Variants in NFU1 observed in about 807,000 individuals in gnomAD.
NFU1 encodes the protein NFU1 iron-sulfur cluster scaffold homolog, mitochondrial.
In NFU1, 30 loss-of-function variants were observed where a neutral mutation model predicts 32.2. That is an observed-to-expected ratio of 0.93 (90% CI 0.70 to 1.26). The LOEUF (loss-of-function observed/expected upper bound fraction) is 1.26. Among genes scored for constraint, NFU1 ranks in the 50% most tolerant of loss-of-function variants. NFU1 has a pLI of 0.00. For synonymous variants in NFU1, 112 were observed against 104.6 expected (o/e 1.07, Z -0.43); for missense variants, 306 against 306.6 (o/e 1.00, Z 0.02).
At chr2:69,415,071 A>T in intron 5 of NFU1, 114 bp downstream of exon 5, 1 of 688,822 alleles carries the variant, frequency 1.5e-6, no homozygotes, top group Non-Finnish European at 2.6e-6. Flanking sequence ...AGAGCTAAAT[A>T]TATTAAATGA....
At chr2:69,425,633 G>A (rs963085903) in intron 2 of NFU1, among the ~76,000 whole-genome samples, 9 of 152,064 alleles carry the variant, frequency 5.9e-5, no homozygotes, top group African/African-American at 2.2e-4. Context: ...GGGATTACAG[G>A]TGTAAGCCAC....
intron 7 of NFU1, among the ~76,000 whole-genome samples, chr2:69,398,184 A>G (rs1672400976): frequency 6.6e-6 from 1 of 152,208 alleles, no homozygotes; most frequent in Non-Finnish European, 1.5e-5. Context: ...GCACACAGCT[A>G]GTTGTTGCAG....
At chr2:69,437,567 ACG>A (rs777119948), upstream of NFU1, 158 of 997,386 alleles carry the variant, frequency 1.6e-4, no homozygotes, top group Admixed American at 1.8e-3. Flanking sequence ...GCGGTGGCCT[ACG>A]CGCCGAGGTT....
chr2:69,427,403 C>T (rs561346128), intron 2 of NFU1, among the ~76,000 whole-genome samples: 38 of 149,552 alleles, frequency 2.5e-4, no homozygotes, highest in African/African-American at 8.6e-4. Context: ...AATAGAAGGC[C>T]AGGCATGGTG....
chr2:69,417,992 C>T (rs1673112651), intron 4 of NFU1, among the ~76,000 whole-genome samples: 1 of 151,826 alleles, frequency 6.6e-6, no homozygotes, highest in Non-Finnish European at 1.5e-5. Flanking sequence ...TATAAAATAA[C>T]TAGTTGTAAG....
chr2:69,417,477 TA>T (rs1673093839), intron 4 of NFU1, among the ~76,000 whole-genome samples: 1 of 138,844 alleles, frequency 7.2e-6, no homozygotes, highest in African/African-American at 2.9e-5. Context: ...ACACTGTCTC[TA>T]CAATAAAAAA....
In NFU1 at chr2:69,423,701, A is replaced by C. The variant is rs1558839050; in HGVS notation, c.183T>G (p.Ile61Met). 3 of 1,601,798 alleles carry C rather than the reference A, an allele frequency of 1.9e-6. No individual in the cohort carries two copies. In the South Asian group the frequency reaches 3.3e-5, roughly 18 times the overall value. ...TTGGATTTGGGGTATCTTGTGTTTG[A>C]ATAAACATGTATCTCACTAAAAAAG... is the stretch of plus-strand genomic sequence containing the variant. ...AFYHPVRYMF[I>M]QTQDTPNPNS... Residue 61 changes from isoleucine to methionine, a missense_variant, in exon 3 of 8, where the codon ATT becomes ATG. Coordinates refer to ENST00000410022, the MANE Select transcript of NFU1 (RefSeq NM_001002755.4).
At chr2:69,411,090 C>T (rs1045655966) in intron 5 of NFU1, 3 of 151,552 alleles carry the variant, frequency 2.0e-5, no homozygotes, top group Non-Finnish European at 4.4e-5. Flanking sequence ...TAGAAAAAGA[C>T]CCATGTATAA....
intron 3 of NFU1, among the ~76,000 whole-genome samples, chr2:69,421,972 A>G (rs1008831186): frequency 2.6e-5 from 4 of 152,094 alleles, no homozygotes; most frequent in African/African-American, 9.7e-5. Flanking sequence ...CCCTGCAAGT[A>G]TTATGTTTTT....
intron 5 of NFU1, among the ~76,000 whole-genome samples, chr2:69,408,645 G>A (rs1672776205): frequency 6.6e-6 from 1 of 151,214 alleles, no homozygotes; most frequent in African/African-American, 2.4e-5. Context: ...ACTTGAACCC[G>A]GGAGGCGGAG....
upstream of NFU1, among the ~76,000 whole-genome samples, chr2:69,438,287 C>G (rs1262655097): frequency 6.6e-6 from 1 of 150,832 alleles, no homozygotes; most frequent in East Asian, 1.9e-4. Context: ...GGGTCTATCT[C>G]TGTTGCCCAG....
chr2:69,401,916 C>A (rs1672534753), intron 6 of NFU1, among the ~76,000 whole-genome samples: 1 of 148,244 alleles, frequency 6.7e-6, no homozygotes, highest in Non-Finnish European at 1.5e-5. Context: ...TTTTTGGAGA[C>A]AGAGTCTCAC....
At chr2:69,402,731 G>A (rs896702597) in intron 6 of NFU1, among the ~76,000 whole-genome samples, 7 of 151,906 alleles carry the variant, frequency 4.6e-5, no homozygotes, top group East Asian at 3.9e-4. Context: ...ACAGGTGCCC[G>A]CCACCATGCG....
chr2:69,418,529 C>T (rs965391090), intron 4 of NFU1, among the ~76,000 whole-genome samples: 1 of 152,004 alleles, frequency 6.6e-6, no homozygotes, highest in African/African-American at 2.4e-5. Context: ...TGCAGTGGCC[C>T]GATCTCCGCT....
At chr2:69,424,830 T>C (rs1356095377) in intron 2 of NFU1, among the ~76,000 whole-genome samples, 1 of 151,266 alleles carries the variant, frequency 6.6e-6, no homozygotes, top group African/African-American at 2.4e-5. Context: ...ATAATAGTAA[T>C]AATAAAGTTA....
Position 69,423,700 on chromosome 2 carries a change from G to A in NFU1, c.184C>T (p.Gln62Ter), listed in dbSNP as rs751624776. ...TTTGGATTTGGGGTATCTTGTGTTT[G>A]AATAAACATGTATCTCACTAAAAAA... is the stretch of plus-strand genomic sequence containing the variant. The part of the protein sequence containing the change: ...FYHPVRYMFI[Q>*]TQDTPNPNSL... The change falls in exon 3 of 8, where the codon CAA becomes TAA. Residue 62 changes from glutamine (Q) to a stop codon, truncating the protein, a stop_gained. Coordinates refer to ENST00000410022, the MANE Select transcript of NFU1 (RefSeq NM_001002755.4). LOFTEE classifies it high-confidence loss of function. 1 of 1,600,560 alleles carries A rather than the reference G, an allele frequency of 6.2e-7. No homozygotes were observed. Among genetic ancestry groups the A allele is most frequent in the Admixed American group, 1.7e-5 (1 of 59,882 alleles).
intron 7 of NFU1, among the ~76,000 whole-genome samples, chr2:69,396,965 GGGAGACTAAGGCA>G (rs1672359558): frequency 6.6e-6 from 1 of 151,724 alleles, no homozygotes; most frequent in African/African-American, 2.4e-5. Context: ...CCAGGTACCC[GGGAGACTAAGGCA>G]GGAGAATGGC....
intron 1 of NFU1, among the ~76,000 whole-genome samples, chr2:69,434,898 G>A (rs552061683): frequency 1.3e-5 from 2 of 152,298 alleles, no homozygotes; most frequent in African/African-American, 4.8e-5. Context: ...TGACTGGTTG[G>A]GGATGCAATC....
chr2:69,425,124 C>G (rs905225026), intron 2 of NFU1, among the ~76,000 whole-genome samples: 14 of 151,860 alleles, frequency 9.2e-5, no homozygotes, highest in Non-Finnish European at 1.6e-4. Flanking sequence ...ATGATCTGCC[C>G]GCCTCGGCCT....
Sources: gnomAD v4.1 joint callset for allele counts (sites outside exome capture counted in the v4.1 genomes callset) on GRCh38, gnomAD v4.1.1 for gene constraint, MANE v1.5 for transcripts, NCBI Gene and HGNC (gene_info 2026-07-23, HGNC 2026-07-21) for gene names.